Variants in CTNND2 observed in about 807,000 individuals in gnomAD.
CTNND2 encodes catenin delta-2.
Under a neutral mutation model 144.4 loss-of-function variants are expected in CTNND2, and 22 were observed. That is an observed-to-expected ratio of 0.15 (90% CI 0.11 to 0.22). CTNND2 has a LOEUF of 0.22. Among genes scored for constraint, CTNND2 ranks in the 10% least tolerant of loss-of-function variants. CTNND2 has a pLI of 1.00. For missense variants in CTNND2, 1,353 were observed against 1,618.8 expected, an observed-to-expected ratio of 0.84 and a Z score of 2.82; for synonymous variants, 751 against 695.6, an observed-to-expected ratio of 1.08 and a Z score of -1.25.
chr5:11,506,190 C>G (rs538754467), intron 3 of CTNND2, among the ~76,000 whole-genome samples: 1 of 152,238 alleles, frequency 6.6e-6, no homozygotes, highest in Non-Finnish European at 1.5e-5. Flanking sequence ...TATTAGGGGG[C>G]TATCATAGGA....
chr5:11,395,637 A>G (rs1265042860), intron 6 of CTNND2, among the ~76,000 whole-genome samples: 5 of 152,214 alleles, frequency 3.3e-5, no homozygotes, highest in African/African-American at 1.2e-4. Flanking sequence ...CTTTATCTCA[A>G]TGGAATGTTT....
rs191507449 is a variant in CTNND2 at position 11,427,015 on chromosome 5, G to T, written c.288-14946C>A. ...AAGCATAGGGAAATGCATGAGCTAT[G>T]AAATATGAACTGTATTATTTCAGTG... is the stretch of plus-strand genomic sequence containing the variant. On this transcript the variant is annotated intron_variant, in intron 3 of 21. Coordinates refer to ENST00000304623, the MANE Select transcript of CTNND2 (RefSeq NM_001332.4). Among the ~76,000 whole-genome samples, 24 of 152,274 alleles carry T rather than the reference G, an allele frequency of 1.6e-4. 1 individual carries two copies. In the East Asian group the frequency reaches 4.6e-3, roughly 29 times the overall value.
chr5:11,691,544 T>C (rs115596024), intron 2 of CTNND2, among the ~76,000 whole-genome samples: 3,202 of 151,974 alleles, frequency 0.021, 112 homozygotes, highest in African/African-American at 0.072. Context: ...ATCAGTTTCA[T>C]CTAAAAGATA....
intron 9 of CTNND2, among the ~76,000 whole-genome samples, chr5:11,287,475 G>C (rs1747872746): frequency 6.6e-6 from 1 of 152,082 alleles, no homozygotes; most frequent in South Asian, 2.1e-4. Flanking sequence ...ACATATTTTT[G>C]TTGGTTGTGT....
intron 3 of CTNND2, among the ~76,000 whole-genome samples, chr5:11,492,503 ATATGTGTGTGTGTGTG>A (rs1180072478): frequency 8.2e-6 from 1 of 122,588 alleles, no homozygotes; most frequent in Non-Finnish European, 1.6e-5. Flanking sequence ...ATATATATAT[ATATGTGTGTGTGTGTG>A]TGTGTGTGTG....
intron 9 of CTNND2, among the ~76,000 whole-genome samples, chr5:11,261,415 G>A (rs770757720): frequency 1.3e-5 from 2 of 152,182 alleles, no homozygotes; most frequent in Non-Finnish European, 1.5e-5. Context: ...GATCTGGCAA[G>A]CTACCCAATG....
At chr5:11,783,400 T>A (rs972283161) in intron 1 of CTNND2, among the ~76,000 whole-genome samples, 1 of 152,092 alleles carries the variant, frequency 6.6e-6, no homozygotes, top group Non-Finnish European at 1.5e-5. Flanking sequence ...CTCTCAGGAA[T>A]CTGCCTCTCC....
rs1438683033 is a variant in CTNND2, at chr5:11,385,013, G to T, written c.829C>A (p.Pro277Thr). The change falls in exon 7 of 22, where the codon CCC becomes ACC. Residue 277 changes from proline to threonine, a missense_variant. By Grantham distance (38) the Pro-to-Thr change is conservative (BLOSUM62 -1). Transcript: ENST00000304623. Reference sequence around the variant, plus strand: ...GAGCCGCCGCGCTGCAGCTTGGTGGGCGAACCGCCCTGGGGCGCGGCCAGC... The same window carrying T: ...GAGCCGCCGCGCTGCAGCTTGGTGGTCGAACCGCCCTGGGGCGCGGCCAGC... Reference protein sequence around the residue: ...SPLAAPQGGSPTKLQRGGSAP... With the variant: ...SPLAAPQGGSTTKLQRGGSAP... 16 of 1,467,872 alleles carry T rather than the reference G, an allele frequency of 1.1e-5. No individual in the cohort carries two copies. Among genetic ancestry groups the T allele is most frequent in the Non-Finnish European group, 1.4e-5 (16 of 1,116,756 alleles). The allele number at this position is 1,467,872 out of a possible 1,614,324, so 90.9% of individuals were successfully genotyped here.
intron 21 of CTNND2, among the ~76,000 whole-genome samples, chr5:10,974,821 C>T (rs1736248505): frequency 6.6e-6 from 1 of 152,330 alleles, no homozygotes; most frequent in East Asian, 1.9e-4. Flanking sequence ...TTGTAATTAG[C>T]ACGTTGTGTG....
chr5:11,430,910 C>A (rs767048476), intron 3 of CTNND2, among the ~76,000 whole-genome samples: 172 of 152,066 alleles, frequency 1.1e-3, no homozygotes, highest in Non-Finnish European at 2.1e-3. Flanking sequence ...TTCAAAGATT[C>A]AATCGAGAAC....
chr5:11,453,879 C>T (rs549516339), intron 3 of CTNND2, among the ~76,000 whole-genome samples: 12 of 151,988 alleles, frequency 7.9e-5, no homozygotes, highest in South Asian at 4.2e-4. Flanking sequence ...ATTTATTACA[C>T]GATAATATAA....
intron 15 of CTNND2, among the ~76,000 whole-genome samples, chr5:11,087,690 TAAATC>T (rs1225662774): frequency 1.7e-5 from 2 of 118,022 alleles, no homozygotes; most frequent in Non-Finnish European, 4.0e-5. Context: ...AGTAAAGAAA[TAAATC>T]AATTTAATAA....
intron 1 of CTNND2, among the ~76,000 whole-genome samples, chr5:11,853,574 C>A (rs1263371176): frequency 6.6e-6 from 1 of 152,198 alleles, no homozygotes; most frequent in Non-Finnish European, 1.5e-5. Flanking sequence ...TGATCCACTG[C>A]CACTTAGATC....
intron 2 of CTNND2, among the ~76,000 whole-genome samples, chr5:11,694,498 G>A (rs114114405): frequency 1.8e-3 from 277 of 152,130 alleles, no homozygotes; most frequent in Middle Eastern, 6.8e-3. Flanking sequence ...ACTAGACTAT[G>A]AAAAGGGCAT....
At chr5:11,332,758 C>T (rs1753303680) in intron 9 of CTNND2, among the ~76,000 whole-genome samples, 1 of 152,188 alleles carries the variant, frequency 6.6e-6, no homozygotes. Flanking sequence ...TGTCCCCACA[C>T]AAATCTCATC....
rs757309274 is a variant in CTNND2, at chr5:11,384,768, G to A, written c.1074C>T (p.Thr358=). 1 of 1,613,188 alleles carries A rather than the reference G, an allele frequency of 6.2e-7. No individual in the cohort carries two copies. The highest frequency in any genetic ancestry group is 8.5e-7 in the Non-Finnish European group (1 of 1,179,708). Residue 358 remains threonine, a synonymous_variant, in exon 7 of 22, where the codon ACC becomes ACT. Transcript: ENST00000304623. This position sits in a 1 kb window ranked among gnomAD's most constrained non-coding sequence, Gnocchi z 5.2. ...QLSSTIGTYA[T]LSPTKRLVHA... ...GGACCAGGCGCTTGGTGGGCGACAGGGTGGCGTACGTGCCGATGGTGGAGC... is the reference window on the plus strand; with the variant it reads ...GGACCAGGCGCTTGGTGGGCGACAGAGTGGCGTACGTGCCGATGGTGGAGC...
intron 1 of CTNND2, among the ~76,000 whole-genome samples, chr5:11,754,847 T>C (rs1243963933): frequency 2.0e-5 from 3 of 151,680 alleles, no homozygotes; most frequent in Non-Finnish European, 3.0e-5. Context: ...TTTCATTCCA[T>C]GTGGGGTAAG....
intron 2 of CTNND2, among the ~76,000 whole-genome samples, chr5:11,599,126 C>T (rs1375644805): frequency 2.0e-5 from 3 of 152,124 alleles, no homozygotes; most frequent in Non-Finnish European, 2.9e-5. Context: ...AAACCACCCC[C>T]ATGATCCAGT....
intron 1 of CTNND2, among the ~76,000 whole-genome samples, chr5:11,867,428 T>G (rs1025323003): frequency 6.6e-6 from 1 of 152,194 alleles, no homozygotes; most frequent in Non-Finnish European, 1.5e-5. Context: ...CAATCAGAAC[T>G]TTAACGAGCT....
Sources: gnomAD v4.1 joint callset for allele counts (sites outside exome capture counted in the v4.1 genomes callset) on GRCh38, gnomAD v4.1.1 for gene constraint, Gnocchi (gnomAD v3.1) non-coding constraint, MANE v1.5 for transcripts, NCBI Gene and HGNC (gene_info 2026-07-23, HGNC 2026-07-21) for gene names.